Variants in FHAD1 observed in about 807,000 individuals in gnomAD.
FHAD1 encodes forkhead associated phosphopeptide binding domain 1.
In FHAD1, 146 loss-of-function variants were observed where a neutral mutation model predicts 191.3. That is an observed-to-expected ratio of 0.76 (90% CI 0.67 to 0.88). FHAD1 has a LOEUF of 0.88. FHAD1 is among the 40% of genes least tolerant of loss of function. The probability of loss-of-function intolerance (pLI) is 0.00; values close to 1 mark genes in which losing one functional copy is unlikely to be tolerated. For synonymous variants in FHAD1, 616 were observed against 672.3 expected, an observed-to-expected ratio of 0.92 and a Z score of 1.29; for missense variants, 1,635 against 1,785.8, an observed-to-expected ratio of 0.92 and a Z score of 1.52.
Position 15,325,054 on chromosome 1 carries a change from T to C in FHAD1, c.1473+495T>C, listed in dbSNP as rs1677889223. ...CGGCTGTGGGTGAGCCACTCCGACC[T>C]GGTCTGGAGGTGCTGTTTCTTTGAT... On this transcript the variant is annotated intron_variant, in intron 11 of 33. Transcript: ENST00000688493. The surrounding 1 kb of genome is among the most constrained non-coding windows in gnomAD (Gnocchi z 4.6). The C allele has an allele frequency of 6.3e-6, 1 of 158,918 alleles. No homozygotes were observed. Among genetic ancestry groups the C allele is most frequent in the African/African-American group, 2.4e-5 (1 of 41,658 alleles). 9.8% of individuals were successfully genotyped at this position (158,918 alleles called of 1,614,324 possible).
intron 1 of FHAD1, among the ~76,000 whole-genome samples, chr1:15,248,744 C>T (rs1319848269): frequency 6.6e-6 from 1 of 152,128 alleles, no homozygotes; most frequent in Non-Finnish European, 1.5e-5. Flanking sequence ...AGCCACCATG[C>T]CCGGCTAATT....
intron 20 of FHAD1, among the ~76,000 whole-genome samples, chr1:15,355,968 A>G (rs1692644482): frequency 6.6e-6 from 1 of 151,888 alleles, no homozygotes; most frequent in Non-Finnish European, 1.5e-5. Context: ...ATCACTCCAA[A>G]GAAAATAATA....
intron 28 of FHAD1, among the ~76,000 whole-genome samples, chr1:15,377,420 G>A (rs1699924530): frequency 2.0e-5 from 3 of 152,026 alleles, no homozygotes; most frequent in South Asian, 2.1e-4. Context: ...AGACTGACCC[G>A]CTCCCAAGAC....
intron 4 of FHAD1, among the ~76,000 whole-genome samples, chr1:15,293,445 C>T (rs370781838): frequency 1.4e-4 from 21 of 152,164 alleles, no homozygotes; most frequent in Admixed American, 2.0e-4. Flanking sequence ...TGTGGCCAGG[C>T]GCGGTGGCTC....
At chr1:15,331,520 A>C (rs1398591722) in intron 14 of FHAD1, among the ~76,000 whole-genome samples, 1 of 128,160 alleles carries the variant, frequency 7.8e-6, no homozygotes, top group African/African-American at 2.9e-5. Flanking sequence ...GGATGGATGG[A>C]TGGATGGATG....
chr1:15,381,203 C>T lies in FHAD1; in HGVS notation c.3802-28C>T, dbSNP rs1222105914. The stretch of plus-strand genomic sequence containing the variant: ...GGCCACCAGCGGCCGCGGGTAATGC[C>T]TCTTATGCGCGAACGTTTTCCTTGT... On this transcript the variant is annotated intron_variant, in intron 29 of 33. Transcript: ENST00000688493. This position sits in a 1 kb window ranked among gnomAD's most constrained non-coding sequence, Gnocchi z 4.6. 1.1e-5 allele frequency: 17 copies of T among 1,511,328 alleles called. No individual in the cohort carries two copies. The highest frequency in any genetic ancestry group is 1.5e-5 in the Non-Finnish European group (17 of 1,111,440). The allele number at this position is 1,511,328 out of a possible 1,614,324, so 93.6% of individuals were successfully genotyped here.
chr1:15,300,126 T>C (rs1468711071), intron 5 of FHAD1, among the ~76,000 whole-genome samples: 1 of 152,250 alleles, frequency 6.6e-6, no homozygotes, highest in Non-Finnish European at 1.5e-5. Context: ...GAATTTTTGT[T>C]CTCAATCTTC....
rs1450556151 is a variant in FHAD1, at chr1:15,375,625, A to G, written c.3600A>G (p.Glu1200=). 1 of 1,539,662 alleles carries G rather than the reference A, an allele frequency of 6.5e-7. No homozygotes were observed. The highest frequency in any genetic ancestry group is 2.1e-5 in the Admixed American group (1 of 47,248). The change falls in exon 28 of 34, where the codon GAA becomes GAG. Residue 1200 remains glutamate (E), a synonymous_variant. Transcript: ENST00000688493. Reference sequence around the variant, plus strand: ...CAGATCATAAAGACCACCAGAATGAATCATTTCTAGATTTAAAGAACCTCA... The same window carrying G: ...CAGATCATAAAGACCACCAGAATGAGTCATTTCTAGATTTAAAGAACCTCA... ...RSPDHKDHQN[E]SFLDLKNLRM... is the part of the protein sequence containing the mutation.
intron 24 of FHAD1, 69 bp from the exon 25 acceptor site, chr1:15,367,394 G>A (rs1303321892): frequency 2.8e-5 from 42 of 1,505,908 alleles, no homozygotes; most frequent in Non-Finnish European, 3.6e-5. Context: ...TACACAAGAG[G>A]CTGAGGCAGG....
rs2101855810 is a variant in FHAD1 at position 15,329,787 on chromosome 1, C to A, written c.1906+246C>A. The stretch of plus-strand genomic sequence containing the variant: ...AACAGAGGCAAAAGGAAAATTAAAT[C>A]GAAATTATGCAAAGTCTAATTACGC... On this transcript the variant is annotated intron_variant, in intron 14 of 33. Coordinates refer to ENST00000688493, the MANE Select transcript of FHAD1 (RefSeq NM_001391957.1). The surrounding 1 kb of genome is among the most constrained non-coding windows in gnomAD (Gnocchi z 5.0). 4.1e-6 allele frequency: 2 copies of A among 489,228 alleles called. No individual in the cohort carries two copies. The highest frequency in any genetic ancestry group is 7.4e-6 in the Non-Finnish European group (2 of 271,690). The allele number at this position is 489,228 out of a possible 1,614,324, so 30.3% of individuals were successfully genotyped here.
chr1:15,301,156 T>C (rs764912265), intron 5 of FHAD1, 49 bp from the exon 6 acceptor site: 21 of 1,507,182 alleles, frequency 1.4e-5, no homozygotes, highest in Non-Finnish European at 1.7e-5. Context: ...GGGCTCAGCC[T>C]CACACCTAGG....
chr1:15,395,405 T>A (rs1705608467), intron 33 of FHAD1, among the ~76,000 whole-genome samples: 1 of 151,852 alleles, frequency 6.6e-6, no homozygotes, highest in African/African-American at 2.4e-5. Flanking sequence ...CACGTCTCCA[T>A]GTCATTTCTG....
intron 20 of FHAD1, among the ~76,000 whole-genome samples, chr1:15,357,625 CAAAAAAAAAA>C (rs71000395): frequency 2.6e-5 from 2 of 76,114 alleles, no homozygotes; most frequent in African/African-American, 4.6e-5. Flanking sequence ...TCCTCCGTCT[CAAAAAAAAAA>C]AAAAAAAAAA....
At chr1:15,352,765 T>TTC in intron 19 of FHAD1, 112 bp from the exon 20 acceptor site, 1 of 750,300 alleles carries the variant, frequency 1.3e-6, no homozygotes. Flanking sequence ...TTTGAGATCT[T>TTC]TCTCTCCAAC....
intron 28 of FHAD1, among the ~76,000 whole-genome samples, chr1:15,378,962 G>T (rs1700278227): frequency 6.6e-6 from 1 of 152,184 alleles, no homozygotes; most frequent in Admixed American, 6.5e-5. Context: ...CAAGCAGCCG[G>T]CTGAGCAGGG....
rs57536175 is a variant in FHAD1 at position 15,393,430 on chromosome 1, G to GCACACACACACACA, written c.4323+2179_4323+2192dup. Reference sequence around the variant, plus strand: ...CATAGATGTGGACACACACACACACGCACACACACACACACACACACACAC... The same window carrying GCACACACACACACA: ...CATAGATGTGGACACACACACACACGCACACACACACACACACACACACACACACACACACACAC... On this transcript the variant is annotated intron_variant, in intron 33 of 33. Coordinates refer to ENST00000688493, the MANE Select transcript of FHAD1 (RefSeq NM_001391957.1). Among the ~76,000 whole-genome samples the GCACACACACACACA allele has an allele frequency of 4.5e-3, 660 of 146,832 alleles. 7 individuals are homozygous for GCACACACACACACA. Among genetic ancestry groups the GCACACACACACACA allele is most frequent in the African/African-American group, 0.016 (635 of 40,216 alleles).
At chr1:15,240,417 C>T (rs1020066359) in intron 1 of FHAD1, among the ~76,000 whole-genome samples, 3 of 151,232 alleles carry the variant, frequency 2.0e-5, no homozygotes, top group Non-Finnish European at 2.9e-5. Context: ...TCGCTTGAGC[C>T]CGGGAGTTCA....
intron 8 of FHAD1, chr1:15,314,626 AGGATGTATG>A (rs2101244034): frequency 5.4e-5 from 1 of 18,416 alleles, no homozygotes; most frequent in East Asian, 1.9e-3. Context: ...TGTGGGTGTG[AGGATGTATG>A]TGGGTGTGTG....
chr1:15,277,854 G>A (rs549741562), intron 3 of FHAD1, among the ~76,000 whole-genome samples: 1 of 152,192 alleles, frequency 6.6e-6, no homozygotes, highest in African/African-American at 2.4e-5. Context: ...AATGTCTGGC[G>A]GCTAATGTTT....
Sources: gnomAD v4.1 joint callset for allele counts (sites outside exome capture counted in the v4.1 genomes callset) on GRCh38, gnomAD v4.1.1 for gene constraint, Gnocchi (gnomAD v3.1) non-coding constraint, MANE v1.5 for transcripts, NCBI Gene and HGNC (gene_info 2026-07-23, HGNC 2026-07-21) for gene names.